The following KIF18A variants were observed in gnomAD, a reference collection of about 807,000 sequenced individuals.
KIF18A encodes the protein kinesin-like protein KIF18A.
Under a neutral mutation model 103.3 loss-of-function variants are expected in KIF18A, and 67 were observed. The observed-to-expected ratio is 0.65, with a 90% CI of 0.53 to 0.79. KIF18A has a LOEUF of 0.79. Among genes scored for constraint, KIF18A ranks in the 30% least tolerant of loss-of-function variants. The pLI, the probability that KIF18A is intolerant of heterozygous loss-of-function variation, is 0.00. For missense variants in KIF18A, 1,032 were observed against 1,062.5 expected (o/e 0.97, Z 0.40); for synonymous variants, 367 against 355.5 (o/e 1.03, Z -0.36).
intron 1 of KIF18A, among the ~76,000 whole-genome samples, chr11:28,105,992 G>A (rs907407576): frequency 2.0e-5 from 3 of 152,136 alleles, no homozygotes; most frequent in Non-Finnish European, 2.9e-5. Flanking sequence ...CCAAGATGAC[G>A]TAACAAGTGG....
chr11:28,074,090 T>C (rs1013250535), intron 10 of KIF18A, among the ~76,000 whole-genome samples: 3 of 152,122 alleles, frequency 2.0e-5, no homozygotes, highest in African/African-American at 4.8e-5. Context: ...TCTCAGCTAC[T>C]TGGGAGTCTG....
intron 10 of KIF18A, among the ~76,000 whole-genome samples, chr11:28,070,553 T>C (rs974617924): frequency 6.6e-6 from 1 of 152,232 alleles, no homozygotes; most frequent in African/African-American, 2.4e-5. Flanking sequence ...TCATTCTCAC[T>C]AAGGTTCCTG....
Position 28,065,670 on chromosome 11 carries a change from T to C in KIF18A, c.1591-3154A>G, listed in dbSNP as rs137884289. On this transcript the variant is annotated intron_variant, in intron 11 of 16. Transcript: ENST00000263181. ...AAACAATACCATACCATTTTTAAAATTGGAAGCTTACGGTAATGTGGGATA... is the reference window on the plus strand; with the variant it reads ...AAACAATACCATACCATTTTTAAAACTGGAAGCTTACGGTAATGTGGGATA... Among the ~76,000 whole-genome samples the C allele has an allele frequency of 2.9e-3, 445 of 152,146 alleles. 1 individual carries two copies. The highest frequency in any genetic ancestry group is 5.3e-3 in the Non-Finnish European group (357 of 67,972).
chr11:28,055,522 T>C (rs369757953), intron 13 of KIF18A, among the ~76,000 whole-genome samples: 2 of 152,182 alleles, frequency 1.3e-5, no homozygotes, highest in East Asian at 3.9e-4. Flanking sequence ...GTGCTGGAAC[T>C]GGAATTTAGG....
intron 9 of KIF18A, among the ~76,000 whole-genome samples, chr11:28,077,845 C>T (rs546667884): frequency 2.0e-4 from 30 of 152,078 alleles, no homozygotes; most frequent in Non-Finnish European, 4.0e-4. Flanking sequence ...CTCCTAAGGG[C>T]AATGTAGGTC....
chr11:28,079,635 C>T lies in KIF18A; in HGVS notation c.1263-2466G>A, dbSNP rs138271184. Among the ~76,000 whole-genome samples the T allele has an allele frequency of 2.6e-4, 40 of 152,188 alleles. 1 individual carries two copies. The highest frequency in any genetic ancestry group is 5.3e-4 in the African/African-American group (22 of 41,556). On this transcript the variant is annotated intron_variant, in intron 9 of 16. Coordinates refer to ENST00000263181, the MANE Select transcript of KIF18A (RefSeq NM_031217.4). Reference sequence around the variant, plus strand: ...GGTTTCTCATACTAATAACAGATAACTGGCTCTGCAGAATGTCAAATAAGT... The same window carrying T: ...GGTTTCTCATACTAATAACAGATAATTGGCTCTGCAGAATGTCAAATAAGT...
chr11:28,067,079 T>C (rs1850941133), intron 11 of KIF18A, among the ~76,000 whole-genome samples: 1 of 151,946 alleles, frequency 6.6e-6, no homozygotes, highest in Admixed American at 6.6e-5. Flanking sequence ...ATATAATTAT[T>C]GTTAGAGTTG....
At chr11:28,088,282 A>G (rs1851257358) in intron 6 of KIF18A, among the ~76,000 whole-genome samples, 1 of 152,164 alleles carries the variant, frequency 6.6e-6, no homozygotes, top group African/African-American at 2.4e-5. Context: ...TTAACTATCA[A>G]TCTGGTATTC....
intron 13 of KIF18A, among the ~76,000 whole-genome samples, chr11:28,054,652 T>C (rs1850755247): frequency 6.6e-6 from 1 of 152,178 alleles, no homozygotes; most frequent in Non-Finnish European, 1.5e-5. Flanking sequence ...CTATTAGTCA[T>C]GTATACAACA....
chr11:28,091,434 AC>A lies in KIF18A; in HGVS notation c.562del (p.Val188SerfsTer34). 1 of 1,607,442 alleles carries A rather than the reference AC, an allele frequency of 6.2e-7. No individual in the cohort carries two copies. The highest frequency in any genetic ancestry group is 8.5e-7 in the Non-Finnish European group (1 of 1,174,460). On this transcript the variant is annotated frameshift_variant, in exon 4 of 17. Coordinates refer to ENST00000263181, the MANE Select transcript of KIF18A (RefSeq NM_031217.4). LOFTEE classifies it high-confidence loss of function. ...AVREDTQKGVVVHGLTLHQPK... is the reference protein window; with the variant it reads ...AVREDTQKGVXVHGLTLHQPK... ...CTGGTGTAAAGTAAGTCCATGAACG[AC>A]CACCCCTTTTTGGGTATCTTCCCGG...
intron 15 of KIF18A, among the ~76,000 whole-genome samples, chr11:28,028,611 T>G (rs1196737172): frequency 6.6e-6 from 1 of 151,620 alleles, no homozygotes. Context: ...ACATCACAAT[T>G]AAAAGAACTA....
At chr11:28,030,856 C>G (rs1252282492) in intron 15 of KIF18A, among the ~76,000 whole-genome samples, 1 of 150,082 alleles carries the variant, frequency 6.7e-6, no homozygotes, top group Admixed American at 6.7e-5. Context: ...ACAACCCCAT[C>G]AAAAAGTGGG....
intron 13 of KIF18A, among the ~76,000 whole-genome samples, chr11:28,051,045 C>T (rs1323238239): frequency 6.6e-6 from 1 of 151,610 alleles, no homozygotes; most frequent in Non-Finnish European, 1.5e-5. Context: ...ATTTATAAAA[C>T]ACTTACGAAG....
chr11:28,069,242 TAC>T lies in KIF18A; in HGVS notation c.1590+15_1590+16del. On this transcript the variant is annotated intron_variant, in intron 11 of 16. Coordinates refer to ENST00000263181, the MANE Select transcript of KIF18A (RefSeq NM_031217.4). ...AGTTCCTACAAATTAAATCTGAACATACAGAGATATTTGTACCTTTGGAATAT... is the reference window on the plus strand; with the variant it reads ...AGTTCCTACAAATTAAATCTGAACATAGAGATATTTGTACCTTTGGAATAT... 6.2e-7 allele frequency: 1 copy of T among 1,601,186 alleles called. No individual in the cohort carries two copies. Among genetic ancestry groups the T allele is most frequent in the Non-Finnish European group, 8.6e-7 (1 of 1,168,634 alleles).
chr11:28,062,274 G>C (rs1372570187), intron 12 of KIF18A, 121 bp downstream of exon 12: 4 of 800,822 alleles, frequency 5.0e-6, no homozygotes, highest in Non-Finnish European at 7.3e-6. Flanking sequence ...GGTTCAGACA[G>C]ACACTTAAAA....
intron 3 of KIF18A, among the ~76,000 whole-genome samples, chr11:28,092,018 T>A (rs1851311652): frequency 6.6e-6 from 1 of 152,196 alleles, no homozygotes; most frequent in Non-Finnish European, 1.5e-5. Context: ...GGTTTCACCA[T>A]GTTAGCCAGG....
At position 28,062,494 on chromosome 11, in the gene KIF18A, C is replaced by T; in HGVS notation, c.1613G>A (p.Cys538Tyr). The change falls in exon 12 of 17, where the codon TGT becomes TAT. Residue 538 changes from cysteine (C) to tyrosine (Y), a missense_variant. Physicochemically the swap from Cys to Tyr is radical, Grantham distance 194. Coordinates refer to ENST00000263181, the MANE Select transcript of KIF18A (RefSeq NM_031217.4). ...IPKELKKDLHCHHLHLQNKDL... is the reference protein window; with the variant it reads ...IPKELKKDLHYHHLHLQNKDL... ...TTTGTTCTGGAGGTGCAAATGGTGACAATGAAGATCTTTCTTGAGTTCCTA... is the reference window on the plus strand; with the variant it reads ...TTTGTTCTGGAGGTGCAAATGGTGATAATGAAGATCTTTCTTGAGTTCCTA... 2 of 1,610,510 alleles carry T rather than the reference C, an allele frequency of 1.2e-6. No homozygotes were observed. Among genetic ancestry groups the T allele is most frequent in the East Asian group, 4.5e-5 (2 of 44,688 alleles).
At chr11:28,087,848 T>A (rs1323890042) in intron 6 of KIF18A, among the ~76,000 whole-genome samples, 1 of 152,224 alleles carries the variant, frequency 6.6e-6, no homozygotes, top group Non-Finnish European at 1.5e-5. Flanking sequence ...ATGATGAGCT[T>A]TTCGAACAGT....
intron 15 of KIF18A, among the ~76,000 whole-genome samples, chr11:28,028,538 G>A (rs1245525496): frequency 1.3e-5 from 2 of 152,028 alleles, no homozygotes; most frequent in Non-Finnish European, 2.9e-5. Context: ...AGTGTGTAGA[G>A]GGAAATTTAT....
Sources: allele counts gnomAD v4.1 joint callset (sites outside exome capture counted in the v4.1 genomes callset), GRCh38; gene constraint gnomAD v4.1.1; transcripts MANE v1.5; gene names NCBI Gene and HGNC (gene_info 2026-07-23, HGNC 2026-07-21).